Variants in IFRD1 observed in about 807,000 individuals in gnomAD.
IFRD1 encodes the protein interferon-related developmental regulator 1.
Under a neutral mutation model 52.9 loss-of-function variants are expected in IFRD1, and 35 were observed. The ratio of observed to expected loss-of-function variants is 0.66; its 90% CI spans 0.51 to 0.88. IFRD1 has a LOEUF of 0.88. Ranked by LOEUF, IFRD1 falls within the 40% of genes least tolerant of loss-of-function variation. The pLI is 0.00. For synonymous variants in IFRD1, 184 were observed against 188.4 expected (o/e 0.98, Z 0.19); for missense variants, 517 against 550.8 (o/e 0.94, Z 0.61).
chr7:112,470,796 C>T (rs1795726436), intron 9 of IFRD1, among the ~76,000 whole-genome samples: 3 of 152,226 alleles, frequency 2.0e-5, no homozygotes, highest in South Asian at 2.1e-4. Flanking sequence ...AATGTAAGTG[C>T]TATGTAAATA....
chr7:112,433,247 G>C (rs991829094), intron 1 of IFRD1, among the ~76,000 whole-genome samples: 1 of 152,206 alleles, frequency 6.6e-6, no homozygotes, highest in Non-Finnish European at 1.5e-5. Context: ...AAAACTCAGG[G>C]ATCAGGGTTT....
Position 112,462,063 on chromosome 7 carries a change from A to C in IFRD1, c.681A>C (p.Lys227Asn), listed in dbSNP as rs997738039. The C allele has an allele frequency of 6.2e-7, 1 of 1,613,436 alleles. No individual in the cohort carries two copies. The highest frequency in any genetic ancestry group is 8.5e-7 in the Non-Finnish European group (1 of 1,179,678). ...NIFTKSYLKE[K>N]DTTVICSTPN... ...TCACTAAATCCTATCTCAAAGAGAA[A>C]GACACTACTGTTATTTGCAGCACTC... Residue 227 changes from lysine to asparagine, a missense_variant, in exon 7 of 12, where the codon AAA becomes AAC. By Grantham distance (94) the Lys-to-Asn change is moderately conservative. Transcript: ENST00000403825.
chr7:112,451,004 G>C (rs899711680), intron 1 of IFRD1: 1 of 580,250 alleles, frequency 1.7e-6, no homozygotes, highest in Middle Eastern at 4.6e-4. Flanking sequence ...CACCGGCCGT[G>C]GGGGCAGGGA....
At chr7:112,463,413 C>A (rs1444609924) in intron 8 of IFRD1, among the ~76,000 whole-genome samples, 1 of 152,116 alleles carries the variant, frequency 6.6e-6, no homozygotes, top group African/African-American at 2.4e-5. Context: ...CATTCATATT[C>A]CATTCTAGGC....
At chr7:112,475,201 G>A (rs904012410) in intron 11 of IFRD1, among the ~76,000 whole-genome samples, 7 of 152,020 alleles carry the variant, frequency 4.6e-5, no homozygotes, top group Admixed American at 1.3e-4. Context: ...CTCGTGATTC[G>A]CCCACCTCGG....
At chr7:112,445,062 C>CTTTTTTTTT (rs3057810) in intron 1 of IFRD1, among the ~76,000 whole-genome samples, 1 of 102,696 alleles carries the variant, frequency 9.7e-6, no homozygotes. Context: ...CCTAGGCTTT[C>CTTTTTTTTT]TTTTTTTTTT....
At chr7:112,459,057 C>T in intron 5 of IFRD1, 39 bp downstream of exon 5, 1 of 1,534,178 alleles carries the variant, frequency 6.5e-7, no homozygotes, top group Non-Finnish European at 9.0e-7. Flanking sequence ...TCTGTCTATT[C>T]ATGACACCCA....
intron 1 of IFRD1, among the ~76,000 whole-genome samples, chr7:112,425,406 C>A (rs1280350670): frequency 6.6e-6 from 1 of 152,234 alleles, no homozygotes. Flanking sequence ...GGGGTCCTAG[C>A]TGGCACAAAC....
intron 1 of IFRD1, among the ~76,000 whole-genome samples, chr7:112,429,253 T>C (rs1048262612): frequency 5.3e-5 from 8 of 152,242 alleles, no homozygotes; most frequent in Admixed American, 1.3e-4. Context: ...GTGTTTGGCA[T>C]GTCTTGTACC....
intron 8 of IFRD1, among the ~76,000 whole-genome samples, chr7:112,463,879 CACACACACACACA>C (rs748878424): frequency 1.5e-4 from 7 of 45,770 alleles, no homozygotes; most frequent in African/African-American, 7.5e-4. Context: ...CACACACACA[CACACACACACACA>C]CACCCCACGT....
At chr7:112,453,041 G>A (rs1267940043) in intron 1 of IFRD1, among the ~76,000 whole-genome samples, 1 of 152,152 alleles carries the variant, frequency 6.6e-6, no homozygotes, top group Non-Finnish European at 1.5e-5. Flanking sequence ...GAGTAGAAGA[G>A]ATGGAAAATT....
intron 9 of IFRD1, among the ~76,000 whole-genome samples, chr7:112,472,007 T>C (rs1369580428): frequency 6.6e-6 from 1 of 152,220 alleles, no homozygotes; most frequent in Non-Finnish European, 1.5e-5. Context: ...GAAACTCAGT[T>C]GTGCCTTCAA....
chr7:112,450,563 C>T lies in IFRD1; in HGVS notation c.-126C>T, dbSNP rs2117278006. 7 of 737,628 alleles carry T rather than the reference C, an allele frequency of 9.5e-6. No individual in the cohort carries two copies. Among genetic ancestry groups the T allele is most frequent in the Middle Eastern group, 3.3e-4 (1 of 3,012 alleles). The allele number at this position is 737,628 out of a possible 1,614,324, so 45.7% of individuals were successfully genotyped here. On this transcript the variant is annotated 5_prime_UTR_variant, in exon 1 of 12. Coordinates refer to ENST00000403825, the MANE Select transcript of IFRD1 (RefSeq NM_001550.4). ...GCCCACTCTTACCCCCGCCGCTTCT[C>T]GACTCTGTTGTTAGCCGAAGACTCG...
intron 1 of IFRD1, among the ~76,000 whole-genome samples, chr7:112,442,211 T>C (rs1794907424): frequency 6.6e-6 from 1 of 152,226 alleles, no homozygotes; most frequent in South Asian, 2.1e-4. Context: ...TGAGTCAGTC[T>C]AGTCTTGTCC....
chr7:112,459,416 TAAGTGATACAA>T (rs1296513982), intron 5 of IFRD1, among the ~76,000 whole-genome samples: 3 of 152,086 alleles, frequency 2.0e-5, no homozygotes, highest in African/African-American at 7.2e-5. Context: ...GGTGCGGTAA[TAAGTGATACAA>T]GTGATCATAT....
chr7:112,433,901 A>G (rs1429747025), intron 1 of IFRD1, among the ~76,000 whole-genome samples: 1 of 152,186 alleles, frequency 6.6e-6, no homozygotes, highest in African/African-American at 2.4e-5. Context: ...GCTCACTGCA[A>G]CATTCACTTC....
At chr7:112,430,364 G>T (rs1261043027) in intron 1 of IFRD1, among the ~76,000 whole-genome samples, 2 of 152,204 alleles carry the variant, frequency 1.3e-5, no homozygotes, top group African/African-American at 4.8e-5. Context: ...GGGAAGCCTG[G>T]CAACAATCTG....
rs1335227658 is a variant in IFRD1, at chr7:112,476,991, C to G, written c.*1472C>G. 1 of 152,126 alleles carries G rather than the reference C, an allele frequency of 6.6e-6. No individual in the cohort carries two copies. Among genetic ancestry groups the G allele is most frequent in the East Asian group, 1.9e-4 (1 of 5,182 alleles). The allele number at this position is 152,126 out of a possible 1,614,324, so 9.4% of individuals were successfully genotyped here. On this transcript the variant is annotated 3_prime_UTR_variant, in exon 12 of 12. Coordinates refer to ENST00000403825, the MANE Select transcript of IFRD1 (RefSeq NM_001550.4). ...TTGCTGGCTTATGGAGTCACTGTTG[C>G]TGAGTCCCATCCCCCAGTTACAGTG...
At chr7:112,472,947 A>G (rs1795792574) in intron 11 of IFRD1, 86 bp downstream of exon 11, 4 of 889,108 alleles carry the variant, frequency 4.5e-6, no homozygotes, top group East Asian at 4.9e-5. Flanking sequence ...GTGTCTACCT[A>G]TATGTGGAGT....
Sources: gnomAD v4.1 joint callset for allele counts (sites outside exome capture counted in the v4.1 genomes callset) on GRCh38, gnomAD v4.1.1 for gene constraint, MANE v1.5 for transcripts, NCBI Gene and HGNC (gene_info 2026-07-23, HGNC 2026-07-21) for gene names.